Variants in FRMD3 observed in about 807,000 individuals in gnomAD.
FRMD3 encodes the protein FERM domain containing 3.
In FRMD3, 33 loss-of-function variants were observed where a neutral mutation model predicts 70.2. The ratio of observed to expected loss-of-function variants is 0.47; its 90% CI spans 0.36 to 0.63. The LOEUF (loss-of-function observed/expected upper bound fraction) is 0.63. Among genes scored for constraint, FRMD3 ranks in the 20% least tolerant of loss-of-function variants. The pLI, the probability that FRMD3 is intolerant of heterozygous loss-of-function variation, is 0.00. For synonymous variants in FRMD3, 279 were observed against 255.9 expected, an observed-to-expected ratio of 1.09 and a Z score of -0.86; for missense variants, 632 against 711.4, an observed-to-expected ratio of 0.89 and a Z score of 1.27.
chr9:83,561,302 T>G, the FRMD3 span, among the ~76,000 whole-genome samples: 2 of 152,168 alleles, frequency 1.3e-5, no homozygotes, highest in African/African-American at 4.8e-5. Flanking sequence ...CTTGCTGAAT[T>G]TTTTTTACAT....
intron 13 of FRMD3, chr9:83,276,223 A>C (rs757300931): frequency 3.9e-5 from 6 of 152,212 alleles, no homozygotes; most frequent in Non-Finnish European, 7.3e-5. Context: ...GACTCCAATT[A>C]GAACAGCCTA....
intron 1 of FRMD3, among the ~76,000 whole-genome samples, chr9:83,479,719 AGAAAAGAAAGG>A (rs1828508956): frequency 1.4e-5 from 1 of 72,254 alleles, no homozygotes; most frequent in African/African-American, 7.5e-5. Flanking sequence ...AAAGAAAGAA[AGAAAAGAAAGG>A]GAAAGAAAGA....
In FRMD3 at chr9:83,309,682, TG is replaced by T. The variant is rs1187012800; in HGVS notation, c.838-59del. ...CGTAAAATACCATTTACATTTTCCA[TG>T]GGTTTTTTTTTTTCAGGTGTTTACC... On this transcript the variant is annotated intron_variant, in intron 9 of 13. Transcript: ENST00000304195. 2.7e-5 allele frequency: 31 copies of T among 1,130,706 alleles called. 2 individuals are homozygous for T. In the East Asian group the frequency reaches 3.0e-4, roughly 11 times the overall value. 70.0% of individuals were successfully genotyped at this position (1,130,706 alleles called of 1,614,324 possible).
chr9:83,433,847 G>A (rs1039143222), intron 1 of FRMD3, among the ~76,000 whole-genome samples: 6 of 152,184 alleles, frequency 3.9e-5, no homozygotes, highest in Non-Finnish European at 7.3e-5. Flanking sequence ...CAGCTATGGG[G>A]AGTGGCTGTA....
At chr9:83,269,335 ACTATCACCATATTTTATTT>A (rs1183320484) in intron 13 of FRMD3, among the ~76,000 whole-genome samples, 1 of 152,226 alleles carries the variant, frequency 6.6e-6, no homozygotes, top group Non-Finnish European at 1.5e-5. Context: ...CTGAAACAAA[ACTATCACCATATTTTATTT>A]CTGTTTTTTT....
intron 13 of FRMD3, among the ~76,000 whole-genome samples, chr9:83,285,145 C>T (rs1023977689): frequency 6.6e-6 from 1 of 152,218 alleles, no homozygotes; most frequent in African/African-American, 2.4e-5. Context: ...TAGGGCAAGA[C>T]ACTGTAAGCA....
the FRMD3 span, among the ~76,000 whole-genome samples, chr9:83,570,578 G>A: frequency 2.6e-5 from 4 of 152,324 alleles, no homozygotes; most frequent in East Asian, 7.7e-4. Flanking sequence ...TAGCTGGACT[G>A]GAGACCGAAA....
chr9:83,332,827 C>T (rs191868060), intron 6 of FRMD3, among the ~76,000 whole-genome samples: 1 of 152,306 alleles, frequency 6.6e-6, no homozygotes, highest in African/African-American at 2.4e-5. Context: ...CCATCCCTAG[C>T]TAAGTGGGAG....
intron 1 of FRMD3, among the ~76,000 whole-genome samples, chr9:83,425,743 C>T (rs555732715): frequency 1.4e-3 from 206 of 151,792 alleles, no homozygotes; most frequent in Non-Finnish European, 1.1e-3. Context: ...CCCATCTCTA[C>T]TAAAAATACA....
chr9:83,251,460 C>T (rs1832424959), intron 13 of FRMD3, among the ~76,000 whole-genome samples: 1 of 152,190 alleles, frequency 6.6e-6, no homozygotes, highest in Non-Finnish European at 1.5e-5. Flanking sequence ...TGCCTCTTCT[C>T]ATCCAAATGA....
At chr9:83,427,216 G>A (rs1163335146) in intron 1 of FRMD3, among the ~76,000 whole-genome samples, 1 of 152,170 alleles carries the variant, frequency 6.6e-6, no homozygotes, top group Non-Finnish European at 1.5e-5. Context: ...AAGCAGCCAG[G>A]GTGATTCCAC....
chr9:83,544,095 T>G, the FRMD3 span, among the ~76,000 whole-genome samples: 4 of 152,104 alleles, frequency 2.6e-5, no homozygotes, highest in Non-Finnish European at 5.9e-5. Context: ...CAAGAACAGG[T>G]GAGCCATAAA....
rs573793065 is a variant in FRMD3 at position 83,258,089 on chromosome 9, C to T, written c.1196-9573G>A. Among the ~76,000 whole-genome samples the T allele has an allele frequency of 2.6e-5, 4 of 152,258 alleles. No homozygotes were observed. The South Asian group carries it at 8.3e-4, about 32-fold the overall frequency. ...TTGATGACAGAGTGCCTGCCATGTACAGTCAAGCAGGTTGGACACTGCTCA... is the reference window on the plus strand; with the variant it reads ...TTGATGACAGAGTGCCTGCCATGTATAGTCAAGCAGGTTGGACACTGCTCA... On this transcript the variant is annotated intron_variant, in intron 13 of 13. Coordinates refer to ENST00000304195, the MANE Select transcript of FRMD3 (RefSeq NM_174938.6).
intron 1 of FRMD3, among the ~76,000 whole-genome samples, chr9:83,457,864 T>C (rs1419552031): frequency 6.6e-6 from 1 of 152,132 alleles, no homozygotes; most frequent in Non-Finnish European, 1.5e-5. Flanking sequence ...CACTTCACCA[T>C]GTATACATAT....
chr9:83,348,496 G>A (rs528530657), intron 4 of FRMD3, among the ~76,000 whole-genome samples: 1 of 152,214 alleles, frequency 6.6e-6, no homozygotes, highest in South Asian at 2.1e-4. Context: ...GACTTCTATG[G>A]GGTACATGGT....
At position 83,344,294 on chromosome 9, in the gene FRMD3, T is replaced by C. The variant is rs976583590; in HGVS notation, c.375-1007A>G. ...TCTCAAAAACCAATGTTTTTTCTCC[T>C]TCTCAACTTCTTGGGGGTTTGTGGG... is the stretch of plus-strand genomic sequence containing the variant. On this transcript the variant is annotated intron_variant, in intron 4 of 13. Transcript: ENST00000304195. Among the ~76,000 whole-genome samples the C allele has an allele frequency of 4.8e-4, 73 of 152,252 alleles. 1 individual carries two copies. Among genetic ancestry groups the C allele is most frequent in the Non-Finnish European group, 1.8e-4 (12 of 68,046 alleles).
At chr9:83,427,288 G>A (rs1038772822) in intron 1 of FRMD3, among the ~76,000 whole-genome samples, 8 of 152,194 alleles carry the variant, frequency 5.3e-5, no homozygotes, top group Admixed American at 4.6e-4. Flanking sequence ...TAACACTGTA[G>A]GTGGTCAGCA....
intron 8 of FRMD3, among the ~76,000 whole-genome samples, chr9:83,311,532 G>C (rs1835355885): frequency 6.6e-6 from 1 of 152,156 alleles, no homozygotes; most frequent in East Asian, 1.9e-4. Flanking sequence ...AAAGAAGTGA[G>C]TTGGGGAGAG....
intron 3 of FRMD3, among the ~76,000 whole-genome samples, chr9:83,370,541 G>T (rs934164178): frequency 6.6e-6 from 1 of 152,160 alleles, no homozygotes; most frequent in African/African-American, 2.4e-5. Flanking sequence ...CTATTTTCCA[G>T]ATTCAGATTT....
Sources: gnomAD v4.1 joint callset for allele counts (sites outside exome capture counted in the v4.1 genomes callset) on GRCh38, gnomAD v4.1.1 for gene constraint, MANE v1.5 for transcripts, NCBI Gene and HGNC (gene_info 2026-07-23, HGNC 2026-07-21) for gene names.